The following AK9 variants were observed in gnomAD, a reference collection of about 807,000 sequenced individuals.
AK9 encodes adenylate kinase domain containing 1.
Under a neutral mutation model 239.6 loss-of-function variants are expected in AK9, and 191 were observed. The ratio of observed to expected loss-of-function variants is 0.80; its 90% CI spans 0.71 to 0.90. The LOEUF (loss-of-function observed/expected upper bound fraction) is 0.90. AK9 is among the 40% of genes least tolerant of loss of function. The pLI is 0.00. For synonymous variants in AK9, 689 were observed against 721.0 expected (o/e 0.96, Z 0.71); for missense variants, 1,995 against 2,214.7 (o/e 0.90, Z 1.99).
chr6:109,676,854 T>G (rs1354713371), intron 1 of AK9, among the ~76,000 whole-genome samples: 1 of 152,014 alleles, frequency 6.6e-6, no homozygotes, highest in Non-Finnish European at 1.5e-5. Context: ...TCAATGCCCA[T>G]CAGTGGTAGA....
At chr6:109,596,052 A>T (rs923920912) in intron 17 of AK9, among the ~76,000 whole-genome samples, 1 of 152,102 alleles carries the variant, frequency 6.6e-6, no homozygotes, top group African/African-American at 2.4e-5. Flanking sequence ...AAAAAAATCT[A>T]TTTCTATTGG....
chr6:109,569,031 G>A (rs1016274406), intron 21 of AK9, among the ~76,000 whole-genome samples: 5 of 152,044 alleles, frequency 3.3e-5, no homozygotes, highest in Non-Finnish European at 4.4e-5. Flanking sequence ...TTCAAACTAT[G>A]CTACAAGGCT....
At position 109,585,986 on chromosome 6, in the gene AK9, C is replaced by A. The variant is rs796660929; in HGVS notation, c.1929G>T (p.Leu643Phe). 48 of 1,551,348 alleles carry A rather than the reference C, an allele frequency of 3.1e-5. No homozygotes were observed. The Admixed American group carries it at 9.4e-4, about 30-fold the overall frequency. Residue 643 changes from leucine to phenylalanine, a missense_variant, in exon 18 of 41, where the codon TTG (leucine) becomes TTT (phenylalanine). Leu to Phe is a conservative substitution (Grantham distance 22, BLOSUM62 0). Coordinates refer to ENST00000424296, the MANE Select transcript of AK9 (RefSeq NM_001145128.3). ...TTCCTTTCTTGATTAAGGCCATCCA[C>A]AATTCTTTTACAATAGGGCAGTTGT... ...IVDNCPIVKE[L>F]WMALIKKGII... is the part of the protein sequence containing the mutation.
intron 5 of AK9, among the ~76,000 whole-genome samples, chr6:109,670,595 G>GT (rs895640097): frequency 3.9e-4 from 58 of 150,306 alleles, no homozygotes; most frequent in Admixed American, 1.1e-3. Flanking sequence ...TCTTCGTGTT[G>GT]TTTTTTTTTC....
At chr6:109,673,729 G>A (rs1389811143) in intron 3 of AK9, among the ~76,000 whole-genome samples, 1 of 151,988 alleles carries the variant, frequency 6.6e-6, no homozygotes, top group Non-Finnish European at 1.5e-5. Context: ...TCTAAATTAC[G>A]AATAGAGAAT....
chr6:109,551,754 A>C (rs1353644792), intron 24 of AK9, among the ~76,000 whole-genome samples: 1 of 129,860 alleles, frequency 7.7e-6, no homozygotes, highest in African/African-American at 2.7e-5. Flanking sequence ...ATTTTTTTTC[A>C]GTTTTTTATT....
At chr6:109,559,592 C>A (rs565245094) in intron 24 of AK9, among the ~76,000 whole-genome samples, 3 of 152,084 alleles carry the variant, frequency 2.0e-5, no homozygotes, top group Non-Finnish European at 4.4e-5. Flanking sequence ...TATTCTTGAT[C>A]CTATTTTGAA....
chr6:109,679,166 G>T (rs1434028523), intron 1 of AK9, among the ~76,000 whole-genome samples: 3 of 152,280 alleles, frequency 2.0e-5, no homozygotes, highest in Admixed American at 2.0e-4. Flanking sequence ...TAGCTCAGCG[G>T]ATCCCACCCC....
chr6:109,660,986 GA>G, intron 6 of AK9: 1 of 503,334 alleles, frequency 2.0e-6, no homozygotes, highest in South Asian at 1.5e-5. Flanking sequence ...TTTTGCATCA[GA>G]AAAATTCACA....
intron 12 of AK9, among the ~76,000 whole-genome samples, chr6:109,621,043 A>C (rs1794747604): frequency 6.6e-6 from 1 of 151,716 alleles, no homozygotes; most frequent in South Asian, 2.1e-4. Flanking sequence ...ACAAATTTAC[A>C]AGAAAAAAAC....
At chr6:109,666,790 G>T (rs1483593511) in intron 5 of AK9, among the ~76,000 whole-genome samples, 1 of 152,148 alleles carries the variant, frequency 6.6e-6, no homozygotes, top group African/African-American at 2.4e-5. Context: ...CTGACCTCTG[G>T]CCAGGCTGAT....
chr6:109,665,877 G>A (rs1170731529), intron 5 of AK9, among the ~76,000 whole-genome samples: 3 of 152,176 alleles, frequency 2.0e-5, no homozygotes, highest in Admixed American at 6.5e-5. Context: ...GGCACTGTTT[G>A]CTGTGCTTGC....
At chr6:109,639,431 T>C (rs1385269707) in intron 10 of AK9, among the ~76,000 whole-genome samples, 1 of 152,268 alleles carries the variant, frequency 6.6e-6, no homozygotes, top group Non-Finnish European at 1.5e-5. Context: ...CATATGTCCG[T>C]TGGCTGCATA....
chr6:109,607,760 A>C (rs1404447440), intron 17 of AK9, among the ~76,000 whole-genome samples: 2 of 129,546 alleles, frequency 1.5e-5, no homozygotes, highest in East Asian at 2.3e-4. Flanking sequence ...TCAAAATCCC[A>C]GCAGAGGGGT....
intron 17 of AK9, among the ~76,000 whole-genome samples, chr6:109,598,398 C>T (rs1277508029): frequency 2.0e-4 from 31 of 152,062 alleles, no homozygotes; most frequent in Non-Finnish European, 4.0e-4. Context: ...ATAAAGGACA[C>T]GAACTCATCA....
chr6:109,533,597 T>G, intron 27 of AK9, 127 bp from the exon 28 acceptor site: 1 of 612,194 alleles, frequency 1.6e-6, no homozygotes, highest in Non-Finnish European at 2.5e-6. Context: ...ATATATACAT[T>G]CTTTACTTGT....
chr6:109,624,213 G>A (rs554602251), intron 12 of AK9, among the ~76,000 whole-genome samples: 3 of 152,114 alleles, frequency 2.0e-5, no homozygotes, highest in African/African-American at 7.2e-5. Flanking sequence ...AACTGGATTG[G>A]TTATTTTCTA....
intron 33 of AK9, among the ~76,000 whole-genome samples, chr6:109,508,248 A>T (rs1778319646): frequency 6.6e-6 from 1 of 152,208 alleles, no homozygotes; most frequent in Non-Finnish European, 1.5e-5. Flanking sequence ...TTTAATCAAG[A>T]GTAGCTCAAC....
chr6:109,561,467 C>T (rs1197883395), intron 24 of AK9, among the ~76,000 whole-genome samples: 3 of 152,098 alleles, frequency 2.0e-5, no homozygotes, highest in Non-Finnish European at 4.4e-5. Flanking sequence ...GTGTGCACCA[C>T]CATGCCTGGT....
Sources: allele counts gnomAD v4.1 joint callset (sites outside exome capture counted in the v4.1 genomes callset), GRCh38; gene constraint gnomAD v4.1.1; transcripts MANE v1.5; gene names NCBI Gene and HGNC (gene_info 2026-07-23, HGNC 2026-07-21).